PCDHGA12: variants seen among roughly 807,000 people sequenced by gnomAD.
PCDHGA12 encodes protocadherin gamma subfamily A, 12, also known as protocadherin gamma-A12.
PCDHGA12 carries 43 observed loss-of-function variants against 61.1 expected under a neutral mutation model. That is an observed-to-expected ratio of 0.70 (90% confidence interval 0.55 to 0.91). The LOEUF (loss-of-function observed/expected upper bound fraction) is 0.91, where lower values mean the gene tolerates loss of function less well. Among genes scored for constraint, PCDHGA12 ranks in the 40% least tolerant of loss-of-function variants. The probability of loss-of-function intolerance (pLI) is 0.00; values close to 1 mark genes in which losing one functional copy is unlikely to be tolerated. For synonymous variants in PCDHGA12, 520 were observed against 542.9 expected, an observed-to-expected ratio of 0.96 and a Z score of 0.59; for missense variants, 1,236 against 1,227.7, an observed-to-expected ratio of 1.01 and a Z score of -0.10.
intron 2 of PCDHGA12, among the ~76,000 whole-genome samples, chr5:141,500,416 A>G: frequency 6.6e-6 from 1 of 151,634 alleles, no homozygotes; most frequent in East Asian, 2.0e-4. Flanking sequence ...TCACCGTGTT[A>G]GCCAGGATGG....
At position 141,431,026 on chromosome 5, in the gene PCDHGA12, G is replaced by A; in HGVS notation, c.267G>A (p.Arg89=). Residue 89 remains arginine, a synonymous_variant, in exon 1 of 4, where the codon AGG becomes AGA. Coordinates refer to ENST00000252085, the MANE Select transcript of PCDHGA12 (RefSeq NM_003735.3). This position sits in a 1 kb window ranked among gnomAD's most constrained non-coding sequence, Gnocchi z 4.8. Reference sequence around the variant, plus strand: ...GCGGCAGCTTGGTCACGGCGGGCAGGATAGACCGGGAGGAGCTCTGTATGG... The same window carrying A: ...GCGGCAGCTTGGTCACGGCGGGCAGAATAGACCGGGAGGAGCTCTGTATGG... ...PRSGSLVTAG[R]IDREELCMGA... is the part of the protein sequence containing the mutation. The A allele has an allele frequency of 1.2e-6, 2 of 1,614,118 alleles. No homozygotes were observed. The highest frequency in any genetic ancestry group is 1.7e-6 in the Non-Finnish European group (2 of 1,179,960).
At chr5:141,502,300 TTCCTC>T (rs139569110) in intron 2 of PCDHGA12, among the ~76,000 whole-genome samples, 4,853 of 152,256 alleles carry the variant, frequency 0.032, 250 homozygotes, top group African/African-American at 0.11. Flanking sequence ...TGTCACGTCT[TTCCTC>T]TCCTTTAATC....
intron 1 of PCDHGA12, chr5:141,478,760 C>T (rs1472984737): frequency 1.5e-5 from 23 of 1,510,888 alleles, no homozygotes; most frequent in Non-Finnish European, 1.9e-5. Context: ...GGGGAAGATA[C>T]TTGACTCATC....
chr5:141,499,054 TGAA>T (rs2099789231), intron 2 of PCDHGA12, among the ~76,000 whole-genome samples: 1 of 150,820 alleles, frequency 6.6e-6, no homozygotes, highest in Non-Finnish European at 1.5e-5. Context: ...GGAGAAAAAA[TGAA>T]GAAGACTTAC....
At chr5:141,506,092 G>A (rs1595997534) in intron 3 of PCDHGA12, among the ~76,000 whole-genome samples, 1 of 152,142 alleles carries the variant, frequency 6.6e-6, no homozygotes, top group Admixed American at 6.6e-5. Flanking sequence ...TTCGGCTAGT[G>A]GTGGTTGTCC....
At chr5:141,488,208 C>T (rs2099672939) in intron 1 of PCDHGA12, among the ~76,000 whole-genome samples, 1 of 152,152 alleles carries the variant, frequency 6.6e-6, no homozygotes, top group African/African-American at 2.4e-5. Flanking sequence ...GGACTCATAT[C>T]AAGTCCCTAC....
intron 1 of PCDHGA12, among the ~76,000 whole-genome samples, chr5:141,464,803 G>A (rs933573443): frequency 1.5e-4 from 23 of 152,092 alleles, no homozygotes; most frequent in African/African-American, 5.1e-4. Context: ...CAGTGATGCA[G>A]TCATAGCTCA....
At position 141,486,881 on chromosome 5, in the gene PCDHGA12, G is replaced by T. The variant is rs114512641; in HGVS notation, c.2425-7926G>T. The T allele has an allele frequency of 1.3e-5, 21 of 1,614,090 alleles. No homozygotes were observed. The East Asian group carries it at 4.7e-4, about 36-fold the overall frequency. ...TGCTCCAGCTGTGCTCCGTCCTCGG[G>T]CCCGGCCTGGTTCCTTATGTCCCCA... is the stretch of plus-strand genomic sequence containing the variant. On this transcript the variant is annotated intron_variant, in intron 1 of 3. Coordinates refer to ENST00000252085, the MANE Select transcript of PCDHGA12 (RefSeq NM_003735.3). This position sits in a 1 kb window ranked among gnomAD's most constrained non-coding sequence, Gnocchi z 5.0.
intron 1 of PCDHGA12, among the ~76,000 whole-genome samples, chr5:141,473,706 G>C (rs1241009670): frequency 6.6e-6 from 1 of 152,186 alleles, no homozygotes; most frequent in African/African-American, 2.4e-5. Context: ...CCTCCAAGTG[G>C]TGCAATGGAA....
chr5:141,431,790 C>T lies in PCDHGA12; in HGVS notation c.1031C>T (p.Ala344Val), dbSNP rs2097417829. The change falls in exon 1 of 4, where the codon GCC becomes GTC. Residue 344 changes from alanine (A) to valine (V), a missense_variant. Physicochemically the swap from Ala to Val is moderately conservative, Grantham distance 64. Transcript: ENST00000252085. This position sits in a 1 kb window ranked among gnomAD's most constrained non-coding sequence, Gnocchi z 4.8. The stretch of plus-strand genomic sequence containing the variant: ...ACTGTTCTGGACGTGAACGACAATG[C>T]CCCAGAAGTGGTCCTCACCTCTCTC... ...LITVLDVNDN[A>V]PEVVLTSLAS... is the part of the protein sequence containing the mutation. 4.3e-6 allele frequency: 7 copies of T among 1,614,186 alleles called. No individual in the cohort carries two copies. The highest frequency in any genetic ancestry group is 5.9e-6 in the Non-Finnish European group (7 of 1,180,016).
At chr5:141,495,697 A>G (rs1010733016) in intron 2 of PCDHGA12, among the ~76,000 whole-genome samples, 1 of 152,086 alleles carries the variant, frequency 6.6e-6, no homozygotes, top group Non-Finnish European at 1.5e-5. Flanking sequence ...AGTGCTCAAT[A>G]AATGTGGAGT....
Position 141,487,333 on chromosome 5 carries a change from C to T in PCDHGA12, c.2425-7474C>T. 6.2e-7 allele frequency: 1 copy of T among 1,614,176 alleles called. No homozygotes were observed. The highest frequency in any genetic ancestry group is 8.5e-7 in the Non-Finnish European group (1 of 1,180,022). On this transcript the variant is annotated intron_variant, in intron 1 of 3. Transcript: ENST00000252085. The surrounding 1 kb of genome is among the most constrained non-coding windows in gnomAD (Gnocchi z 5.0). ...TCTCTAAGTGTCTTCGTGGGGCAGC[C>T]TGTGGAGTCACATGCTTTCCTGCTG...
In PCDHGA12 at chr5:141,467,461, A is replaced by G. The variant is rs1330947379; in HGVS notation, c.2425-27346A>G. ...ATTACTTTTTTCTTCCAGTGCTAGT[A>G]CTTGCATGGTTTTTGGTTTCCACAT... On this transcript the variant is annotated intron_variant, in intron 1 of 3. Coordinates refer to ENST00000252085, the MANE Select transcript of PCDHGA12 (RefSeq NM_003735.3). 2.6e-5 allele frequency among the ~76,000 whole-genome samples: 4 copies of G among 152,158 alleles called. No homozygotes were observed. The South Asian group carries it at 8.3e-4, about 31-fold the overall frequency.
At chr5:141,502,866 C>CTTTTTTTT (rs549047197) in intron 2 of PCDHGA12, among the ~76,000 whole-genome samples, 38,988 of 127,080 alleles carry the variant, frequency 0.31, 7,978 homozygotes, top group African/African-American at 0.51. Flanking sequence ...GACTCTCTGT[C>CTTTTTTTT]TTTTTTTTTT....
chr5:141,494,899 C>T, intron 2 of PCDHGA12, 34 bp downstream of exon 2: 1 of 1,614,116 alleles, frequency 6.2e-7, no homozygotes, highest in Non-Finnish European at 8.5e-7. Context: ...ACCCTCTTCT[C>T]TGCGGCATTT....
At chr5:141,440,954 G>A (rs908507291) in intron 1 of PCDHGA12, 9 of 152,184 alleles carry the variant, frequency 5.9e-5, no homozygotes, top group Non-Finnish European at 1.0e-4. Flanking sequence ...GAGTGTCAAG[G>A]CAGAGATCAC....
At chr5:141,468,797 C>A (rs191599825) in intron 1 of PCDHGA12, among the ~76,000 whole-genome samples, 1 of 151,770 alleles carries the variant, frequency 6.6e-6, no homozygotes, top group East Asian at 1.9e-4. Context: ...ACCCGGGAGG[C>A]GGAACTTGCA....
chr5:141,505,443 C>A lies in PCDHGA12; in HGVS notation c.2534C>A (p.Thr845Lys). ...TGTWPNNQFD[T>K]EMLQAMILAS... ...ACCTGGCCCAACAACCAGTTTGACA[C>A]AGAGATGCTGCAAGCCATGATCTTG... Residue 845 changes from threonine to lysine, a missense_variant, in exon 3 of 4, where the codon ACA becomes AAA. Physicochemically the swap from Thr to Lys is moderately conservative, Grantham distance 78. Transcript: ENST00000252085. 2 of 1,614,224 alleles carry A rather than the reference C, an allele frequency of 1.2e-6. No homozygotes were observed. Among genetic ancestry groups the A allele is most frequent in the Non-Finnish European group, 8.5e-7 (1 of 1,180,042 alleles).
chr5:141,495,529 C>T (rs1466269939), intron 2 of PCDHGA12, among the ~76,000 whole-genome samples: 1 of 152,210 alleles, frequency 6.6e-6, no homozygotes, highest in African/African-American at 2.4e-5. Flanking sequence ...ACCTCTCAGT[C>T]CTTCCCTCAG....
Sources: allele counts gnomAD v4.1 joint callset (sites outside exome capture counted in the v4.1 genomes callset), GRCh38; gene constraint gnomAD v4.1.1; non-coding constraint Gnocchi (gnomAD v3.1); transcripts MANE v1.5; gene names NCBI Gene and HGNC (gene_info 2026-07-23, HGNC 2026-07-21).